The following DPP10 variants were observed in gnomAD, a reference collection of about 807,000 sequenced individuals.
DPP10 encodes the protein inactive dipeptidyl peptidase 10.
DPP10 carries 33 observed loss-of-function variants against 120.9 expected under a neutral mutation model. That is an observed-to-expected ratio of 0.27 (90% CI 0.21 to 0.37). The LOEUF is 0.37. DPP10 is among the 10% of genes least tolerant of loss of function. The probability of loss-of-function intolerance (pLI) is 1.00; values close to 1 mark genes in which losing one functional copy is unlikely to be tolerated. For missense variants in DPP10, 816 were observed against 942.8 expected, an observed-to-expected ratio of 0.87 and a Z score of 1.76; for synonymous variants, 337 against 326.1, an observed-to-expected ratio of 1.03 and a Z score of -0.36.
At chr2:114,519,796 CT>C (rs1031035795) in intron 1 of DPP10, among the ~76,000 whole-genome samples, 29 of 152,244 alleles carry the variant, frequency 1.9e-4, no homozygotes, top group Middle Eastern at 6.8e-3. Flanking sequence ...AATTTATTGG[CT>C]TTAGATGGCA....
intron 5 of DPP10, among the ~76,000 whole-genome samples, chr2:115,589,993 G>A (rs1367198743): frequency 6.6e-6 from 1 of 151,880 alleles, no homozygotes; most frequent in Non-Finnish European, 1.5e-5. Context: ...CTAACACTTT[G>A]AAGCACATTA....
At chr2:115,079,929 G>A (rs916443158) in intron 1 of DPP10, among the ~76,000 whole-genome samples, 1 of 152,210 alleles carries the variant, frequency 6.6e-6, no homozygotes, top group Non-Finnish European at 1.5e-5. Flanking sequence ...CACATAAGGA[G>A]AGGCTTTGTG....
chr2:114,811,706 C>T (rs1380951667), intron 1 of DPP10, among the ~76,000 whole-genome samples: 1 of 152,156 alleles, frequency 6.6e-6, no homozygotes, highest in East Asian at 1.9e-4. Context: ...CCCACCAACC[C>T]CAGCTTTCCA....
chr2:115,346,461 G>A (rs1027835105), intron 3 of DPP10, among the ~76,000 whole-genome samples: 1 of 152,050 alleles, frequency 6.6e-6, no homozygotes, highest in African/African-American at 2.4e-5. Context: ...GTTATAGTGA[G>A]GCGATGCCAT....
At chr2:114,509,491 C>A (rs1210880914) in intron 1 of DPP10, among the ~76,000 whole-genome samples, 1 of 152,132 alleles carries the variant, frequency 6.6e-6, no homozygotes, top group African/African-American at 2.4e-5. Flanking sequence ...GGGTAGCAGG[C>A]CTGGAGACTA....
intron 1 of DPP10, among the ~76,000 whole-genome samples, chr2:114,840,793 T>G (rs960205641): frequency 6.6e-6 from 1 of 152,180 alleles, no homozygotes; most frequent in Non-Finnish European, 1.5e-5. Flanking sequence ...GTCACTCTAT[T>G]AAACAACTTA....
At chr2:114,730,675 C>T (rs1676809202) in intron 1 of DPP10, among the ~76,000 whole-genome samples, 1 of 152,250 alleles carries the variant, frequency 6.6e-6, no homozygotes, top group East Asian at 1.9e-4. Flanking sequence ...CTCACTGCAA[C>T]CTCCACCTCC....
chr2:114,959,814 T>C (rs941528305), intron 1 of DPP10, among the ~76,000 whole-genome samples: 2 of 152,214 alleles, frequency 1.3e-5, no homozygotes, highest in African/African-American at 4.8e-5. Context: ...GTTTTCTAAT[T>C]ACTAGTAATG....
intron 1 of DPP10, among the ~76,000 whole-genome samples, chr2:115,242,672 ATTTTTT>A (rs539909325): frequency 4.0e-5 from 5 of 124,198 alleles, no homozygotes; most frequent in African/African-American, 1.4e-4. Context: ...GCCAACATCT[ATTTTTT>A]TTTTTTTTTT....
intron 1 of DPP10, among the ~76,000 whole-genome samples, chr2:114,944,504 A>G (rs4849362): frequency 0.23 from 35,317 of 152,076 alleles, 4,529 homozygotes; most frequent in Admixed American, 0.3. Context: ...CCTTCCCTTA[A>G]TAAGTTTTGT....
chr2:115,741,081 C>A (rs559849462), intron 9 of DPP10, among the ~76,000 whole-genome samples: 1 of 152,092 alleles, frequency 6.6e-6, no homozygotes, highest in African/African-American at 2.4e-5. Flanking sequence ...AGGTCATTTA[C>A]ACTTTCCTTC....
At chr2:115,632,375 T>G (rs1255200698) in intron 5 of DPP10, among the ~76,000 whole-genome samples, 1 of 152,174 alleles carries the variant, frequency 6.6e-6, no homozygotes. Context: ...CTCTGTCTTT[T>G]GATCAGGGCA....
At chr2:114,670,688 A>G (rs1281829504) in intron 1 of DPP10, among the ~76,000 whole-genome samples, 1 of 152,204 alleles carries the variant, frequency 6.6e-6, no homozygotes, top group Non-Finnish European at 1.5e-5. Flanking sequence ...AATAATAATA[A>G]GAAAAATTAT....
At chr2:115,400,743 A>C (rs2068014402) in intron 3 of DPP10, among the ~76,000 whole-genome samples, 1 of 152,242 alleles carries the variant, frequency 6.6e-6, no homozygotes, top group Non-Finnish European at 1.5e-5. Flanking sequence ...AATAAAATTT[A>C]CTTTTGAAAT....
At chr2:114,469,326 G>A (rs931824115) in intron 1 of DPP10, among the ~76,000 whole-genome samples, 1 of 152,104 alleles carries the variant, frequency 6.6e-6, no homozygotes, top group African/African-American at 2.4e-5. Flanking sequence ...AAACAAGAGA[G>A]GATTTGTTCT....
chr2:115,733,163 T>G (rs1367840494), intron 8 of DPP10, among the ~76,000 whole-genome samples: 1 of 152,170 alleles, frequency 6.6e-6, no homozygotes, highest in Non-Finnish European at 1.5e-5. Flanking sequence ...ATCAGCAGAT[T>G]CTGATTGTTA....
chr2:114,878,205 G>C (rs181881432), intron 1 of DPP10, among the ~76,000 whole-genome samples: 2 of 152,004 alleles, frequency 1.3e-5, no homozygotes, highest in Admixed American at 1.3e-4. Flanking sequence ...GGATTGATTA[G>C]CTGAATTTAT....
chr2:114,844,450 C>T (rs1449444000), intron 1 of DPP10, among the ~76,000 whole-genome samples: 1 of 151,418 alleles, frequency 6.6e-6, no homozygotes, highest in Non-Finnish European at 1.5e-5. Flanking sequence ...TTACCAGGTT[C>T]TTGCTAAGGT....
In DPP10 at chr2:114,576,647, G is replaced by GCAAA. The variant is rs376284705; in HGVS notation, c.60+133826_60+133829dup. ...GTGGAGAAAAAGTCTGGAGTGGCAA[G>GCAAA]CAAACAAACAAACAAACAAAAACTA... On this transcript the variant is annotated intron_variant, in intron 1 of 25. Coordinates refer to ENST00000410059, the MANE Select transcript of DPP10 (RefSeq NM_020868.6). 5.9e-5 allele frequency among the ~76,000 whole-genome samples: 9 copies of GCAAA among 152,210 alleles called. No individual in the cohort carries two copies. In the South Asian group the frequency reaches 1.0e-3, roughly 18 times the overall value.
Sources: allele counts gnomAD v4.1 joint callset (sites outside exome capture counted in the v4.1 genomes callset), GRCh38; gene constraint gnomAD v4.1.1; transcripts MANE v1.5; gene names NCBI Gene and HGNC (gene_info 2026-07-23, HGNC 2026-07-21).